The following PRDM15 variants were observed in gnomAD, a reference collection of about 807,000 sequenced individuals.
PRDM15 encodes PR/SET domain 15, also known as PR domain zinc finger protein 15.
A neutral mutation model predicts 128.6 loss-of-function variants in PRDM15; 64 were observed. The ratio of observed to expected loss-of-function variants is 0.50; its 90% CI spans 0.41 to 0.61. The LOEUF (loss-of-function observed/expected upper bound fraction) is 0.61. Ranked by LOEUF, PRDM15 falls within the 20% of genes least tolerant of loss-of-function variation. PRDM15 has a pLI of 0.00. For synonymous variants in PRDM15, 615 were observed against 621.8 expected (o/e 0.99, Z 0.16); for missense variants, 1,242 against 1,569.1 (o/e 0.79, Z 3.52).
Position 41,873,686 on chromosome 21 carries a change from A to G in PRDM15, c.-10+5584T>C, listed in dbSNP as rs188107320. Among the ~76,000 whole-genome samples the G allele has an allele frequency of 1.4e-3, 212 of 152,298 alleles. 3 individuals are homozygous for G. The highest frequency in any genetic ancestry group is 1.3e-3 in the Non-Finnish European group (90 of 68,018). On this transcript the variant is annotated intron_variant, in intron 1 of 23. Coordinates refer to ENST00000398548, the MANE Select transcript of PRDM15 (RefSeq NM_001040424.3). ...CTTAGTTTCATCAAAGATGACATCT[A>G]TATTTCTCATTTTCACATCTGGTTC... is the stretch of plus-strand genomic sequence containing the variant.
chr21:41,801,774 C>T (rs370408218), intron 23 of PRDM15, 52 bp from the exon 24 acceptor site: 141 of 1,571,540 alleles, frequency 9.0e-5, no homozygotes, highest in East Asian at 3.2e-4. Context: ...AAATGGGGAA[C>T]GCAAGGACCT....
Position 41,799,779 on chromosome 21 carries a change from G to C in PRDM15, c.*1461C>G, listed in dbSNP as rs1169567692. On this transcript the variant is annotated 3_prime_UTR_variant, in exon 24 of 24. Transcript: ENST00000398548. ...GACTCCCAGTGAGTGCAGGATCTGGGATAACTGGCAAAGCAGGACACCTTA... is the reference window on the plus strand; with the variant it reads ...GACTCCCAGTGAGTGCAGGATCTGGCATAACTGGCAAAGCAGGACACCTTA... 6.6e-6 allele frequency: 1 copy of C among 152,644 alleles called. No homozygotes were observed. The highest frequency in any genetic ancestry group is 2.4e-5 in the African/African-American group (1 of 41,444). The allele number at this position is 152,644 out of a possible 1,614,324, so 9.5% of individuals were successfully genotyped here. A position where few individuals can be genotyped will look rare whatever the true frequency, so the allele number is the denominator to read the frequency against.
At chr21:41,856,067 C>T (rs1169695442) in intron 4 of PRDM15, among the ~76,000 whole-genome samples, 1 of 4,414 alleles carries the variant, frequency 2.3e-4, no homozygotes, top group Non-Finnish European at 4.0e-4. Flanking sequence ...CCTCCCTCCC[C>T]TCCCTCCCTT....
chr21:41,869,224 T>TA (rs1202630401), intron 1 of PRDM15, among the ~76,000 whole-genome samples: 1 of 152,152 alleles, frequency 6.6e-6, no homozygotes, highest in Non-Finnish European at 1.5e-5. Context: ...TGCTTGTGAT[T>TA]ACCACATCTA....
Position 41,811,119 on chromosome 21 carries a change from C to A in PRDM15, c.2393-283G>T. ...AAAGTGGAACCCACATGTGGACAAGCAGAAAAACGATAGGAATTTCTTTAA... is the reference window on the plus strand; with the variant it reads ...AAAGTGGAACCCACATGTGGACAAGAAGAAAAACGATAGGAATTTCTTTAA... On this transcript the variant is annotated intron_variant, in intron 19 of 23. Transcript: ENST00000398548. This position sits in a 1 kb window ranked among gnomAD's most constrained non-coding sequence, Gnocchi z 4.1. 1 of 415,144 alleles carries A rather than the reference C, an allele frequency of 2.4e-6. No individual in the cohort carries two copies. The allele number at this position is 415,144 out of a possible 1,614,324, so 25.7% of individuals were successfully genotyped here.
chr21:41,855,010 G>A lies in PRDM15; in HGVS notation c.286-192C>T, dbSNP rs141242686. On this transcript the variant is annotated intron_variant, in intron 4 of 23. Coordinates refer to ENST00000398548, the MANE Select transcript of PRDM15 (RefSeq NM_001040424.3). The stretch of plus-strand genomic sequence containing the variant: ...CACAGGTAGACCATGTGGTTTGGAC[G>A]GGTCAGGTTAGTCACAGGCAAAAGG... 1.5e-4 allele frequency among the ~76,000 whole-genome samples: 23 copies of A among 152,328 alleles called. No individual in the cohort carries two copies. In the East Asian group the frequency reaches 2.1e-3, roughly 14 times the overall value.
At chr21:41,876,528 C>A (rs757536284) in intron 1 of PRDM15, among the ~76,000 whole-genome samples, 22 of 152,194 alleles carry the variant, frequency 1.4e-4, no homozygotes, top group Non-Finnish European at 2.8e-4. Context: ...CTGTGGCCCA[C>A]GGGGGAGCCA....
intron 12 of PRDM15, among the ~76,000 whole-genome samples, chr21:41,827,131 G>A (rs1029646829): frequency 2.0e-5 from 3 of 152,200 alleles, no homozygotes; most frequent in Admixed American, 6.5e-5. Flanking sequence ...AGGCTACCCA[G>A]TCACTAAGTG....
intron 1 of PRDM15, chr21:41,871,759 T>TCCA: frequency 1.1e-6 from 1 of 946,086 alleles, no homozygotes; most frequent in Non-Finnish European, 1.5e-6. Flanking sequence ...CCTTCCTGGA[T>TCCA]GGTTGCTGCT....
Position 41,879,221 on chromosome 21 carries a change from G to T in PRDM15, c.-10+49C>A. The stretch of plus-strand genomic sequence containing the variant: ...GGGCAGCGGGTGCGGCCCGGGGCCG[G>T]CGGGGCGCACGCCGGGGCGGGCGGC... On this transcript the variant is annotated intron_variant, in intron 1 of 23. Transcript: ENST00000398548. The surrounding 1 kb of genome is among the most constrained non-coding windows in gnomAD (Gnocchi z 5.1). The T allele has an allele frequency of 1.2e-6, 1 of 830,700 alleles. No individual in the cohort carries two copies. The highest frequency in any genetic ancestry group is 1.9e-5 in the African/African-American group (1 of 53,008). The allele number at this position is 830,700 out of a possible 1,614,324, so 51.5% of individuals were successfully genotyped here.
chr21:41,798,589 C>G lies in PRDM15; in HGVS notation c.*2651G>C, dbSNP rs905587977. 15 of 152,358 alleles carry G rather than the reference C, an allele frequency of 9.8e-5. 1 individual carries two copies. Among genetic ancestry groups the G allele is most frequent in the Admixed American group, 9.8e-4 (15 of 15,290 alleles). 9.4% of individuals were successfully genotyped at this position (152,358 alleles called of 1,614,324 possible). The stretch of plus-strand genomic sequence containing the variant: ...TCACGGGGAGCAGCTGTACCTGTGG[C>G]CTCCCCGCAAGACTCACACCAGTGG... On this transcript the variant is annotated 3_prime_UTR_variant, in exon 24 of 24. Transcript: ENST00000398548.
intron 10 of PRDM15, among the ~76,000 whole-genome samples, 173 bp downstream of exon 10, chr21:41,835,940 G>GCCTCGC: frequency 2.3e-5 from 1 of 43,828 alleles, no homozygotes; most frequent in East Asian, 4.8e-4. Flanking sequence ...ACAGGGTTTG[G>GCCTCGC]CCGCTCTCCT....
At chr21:41,858,915 G>T in intron 3 of PRDM15, 2 of 748,208 alleles carry the variant, frequency 2.7e-6, no homozygotes, top group Non-Finnish European at 4.3e-6. Flanking sequence ...GGCCACCTGT[G>T]CAGCGGCAGC....
chr21:41,817,673 C>T (rs760222755), intron 18 of PRDM15, among the ~76,000 whole-genome samples: 8 of 151,704 alleles, frequency 5.3e-5, no homozygotes, highest in African/African-American at 1.2e-4. Flanking sequence ...TTACATGTTC[C>T]GATATAAAAA....
rs913228259 is a variant in PRDM15 at position 41,862,111 on chromosome 21, G to A, written c.-9-1739C>T. On this transcript the variant is annotated intron_variant, in intron 1 of 23. Transcript: ENST00000398548. This position sits in a 1 kb window ranked among gnomAD's most constrained non-coding sequence, Gnocchi z 4.1. ...GGACAAAGGGCAGAAGAAACCCAGA[G>A]TGGGGTGGGGAGGGCGCACGCTTTC... 1 of 817,930 alleles carries A rather than the reference G, an allele frequency of 1.2e-6. No homozygotes were observed. The highest frequency in any genetic ancestry group is 2.1e-6 in the Non-Finnish European group (1 of 485,290). 50.7% of individuals were successfully genotyped at this position (817,930 alleles called of 1,614,324 possible).
chr21:41,809,271 C>CA (rs1164232509), intron 21 of PRDM15, among the ~76,000 whole-genome samples: 2 of 141,528 alleles, frequency 1.4e-5, no homozygotes, highest in African/African-American at 5.3e-5. Context: ...CTCGTTCTGT[C>CA]ACCCAGGCTG....
In PRDM15 at chr21:41,828,772, A is replaced by G. The variant is rs1046362962; in HGVS notation, c.1367-439T>C. On this transcript the variant is annotated intron_variant, in intron 11 of 23. Transcript: ENST00000398548. The surrounding 1 kb of genome is among the most constrained non-coding windows in gnomAD (Gnocchi z 5.7). ...ACCCGAGCAACTGACCACCCGACCA[A>G]TGTGGCCGCCCCTGCCCCCAGGATC... Among the ~76,000 whole-genome samples, 1 of 151,684 alleles carries G rather than the reference A, an allele frequency of 6.6e-6. No homozygotes were observed. Among genetic ancestry groups the G allele is most frequent in the Non-Finnish European group, 1.5e-5 (1 of 67,876 alleles).
In PRDM15 at chr21:41,850,887, AACTG is replaced by A. The variant is rs566440364; in HGVS notation, c.538+3675_538+3678del. Among the ~76,000 whole-genome samples, 302 of 152,326 alleles carry A rather than the reference AACTG, an allele frequency of 2.0e-3. 3 individuals carry two copies. Among genetic ancestry groups the A allele is most frequent in the African/African-American group, 7.0e-3 (292 of 41,568 alleles). ...AGAAGACGGCGCCACTGATCTGCAA[AACTG>A]ACTGATTTCTACACGAAGATGCATG... On this transcript the variant is annotated intron_variant, in intron 5 of 23. Transcript: ENST00000398548.
intron 1 of PRDM15, chr21:41,878,758 G>T: frequency 6.6e-7 from 1 of 1,517,582 alleles, no homozygotes. Context: ...GACCCGCATG[G>T]GCTGTACCCG....
Sources: gnomAD v4.1 joint callset for allele counts (sites outside exome capture counted in the v4.1 genomes callset) on GRCh38, gnomAD v4.1.1 for gene constraint, Gnocchi (gnomAD v3.1) non-coding constraint, MANE v1.5 for transcripts, NCBI Gene and HGNC (gene_info 2026-07-23, HGNC 2026-07-21) for gene names.